TSHZ2: variants seen among roughly 807,000 people sequenced by gnomAD.
TSHZ2 encodes teashirt homolog 2.
In TSHZ2, 21 loss-of-function variants were observed where a neutral mutation model predicts 74.4. That is an observed-to-expected ratio of 0.28 (90% CI 0.20 to 0.41). The LOEUF is 0.41. Among genes scored for constraint, TSHZ2 ranks in the 10% least tolerant of loss-of-function variants. The pLI is 1.00. For missense variants in TSHZ2, 1,244 were observed against 1,293.5 expected (o/e 0.96, Z 0.59); for synonymous variants, 540 against 515.3 (o/e 1.05, Z -0.65).
intron 1 of TSHZ2, among the ~76,000 whole-genome samples, chr20:52,994,092 T>C (rs2122929352): frequency 6.6e-6 from 1 of 152,276 alleles, no homozygotes. Context: ...AAGGAGTATG[T>C]GTATTTGAGA....
chr20:53,430,167 C>T (rs1983788479), intron 2 of TSHZ2, among the ~76,000 whole-genome samples: 1 of 152,100 alleles, frequency 6.6e-6, no homozygotes, highest in Non-Finnish European at 1.5e-5. Flanking sequence ...TACAGTGGCC[C>T]TGTGTTGGCT....
chr20:53,239,772 T>C (rs1990023020), intron 1 of TSHZ2, among the ~76,000 whole-genome samples: 1 of 152,152 alleles, frequency 6.6e-6, no homozygotes, highest in Non-Finnish European at 1.5e-5. Context: ...TTTGCTATCA[T>C]AATTGTTAGG....
At chr20:52,985,816 T>C (rs1981732799) in intron 1 of TSHZ2, among the ~76,000 whole-genome samples, 1 of 152,160 alleles carries the variant, frequency 6.6e-6, no homozygotes, top group Non-Finnish European at 1.5e-5. Context: ...ACTCAAACCA[T>C]CGTCTCCAAT....
chr20:53,397,041 A>G (rs1600606194), intron 2 of TSHZ2, among the ~76,000 whole-genome samples: 1 of 152,320 alleles, frequency 6.6e-6, no homozygotes, highest in Non-Finnish European at 1.5e-5. Context: ...AACCTAGGCA[A>G]TACCATTTAG....
intron 1 of TSHZ2, among the ~76,000 whole-genome samples, chr20:53,170,181 C>G (rs956651539): frequency 6.6e-6 from 1 of 152,118 alleles, no homozygotes; most frequent in African/African-American, 2.4e-5. Context: ...CTTTGTCTTT[C>G]GATTACACTG....
intron 2 of TSHZ2, among the ~76,000 whole-genome samples, chr20:53,458,976 C>T (rs1296214097): frequency 6.6e-6 from 1 of 152,122 alleles, no homozygotes; most frequent in Non-Finnish European, 1.5e-5. Flanking sequence ...GAGAGCTTTA[C>T]TTCCAAGTAT....
At chr20:53,324,852 C>T (rs537328505) in intron 2 of TSHZ2, among the ~76,000 whole-genome samples, 18 of 152,302 alleles carry the variant, frequency 1.2e-4, no homozygotes, top group South Asian at 6.2e-4. Flanking sequence ...AATTGTGTGC[C>T]CAGGCTTCAA....
In TSHZ2 at chr20:53,256,631, T is replaced by C; in HGVS notation, c.*8+60T>C. 6.6e-7 allele frequency: 1 copy of C among 1,509,964 alleles called. No homozygotes were observed. The highest frequency in any genetic ancestry group is 8.9e-7 in the Non-Finnish European group (1 of 1,127,534). The allele number at this position is 1,509,964 out of a possible 1,614,324, so 93.5% of individuals were successfully genotyped here. A position where few individuals can be genotyped will look rare whatever the true frequency, so the allele number is the denominator to read the frequency against. Reference sequence around the variant, plus strand: ...GGTGAGGAGCTTTCTTACAGGGAGATGGGTCTGCTTAGAGGCAGCTAGCAT... The same window carrying C: ...GGTGAGGAGCTTTCTTACAGGGAGACGGGTCTGCTTAGAGGCAGCTAGCAT... On this transcript the variant is annotated intron_variant, in intron 2 of 2. Transcript: ENST00000371497. The surrounding 1 kb of genome is among the most constrained non-coding windows in gnomAD (Gnocchi z 4.3).
chr20:52,986,516 G>A (rs918649934), intron 1 of TSHZ2, among the ~76,000 whole-genome samples: 1 of 151,910 alleles, frequency 6.6e-6, no homozygotes, highest in South Asian at 2.1e-4. Context: ...ATCACCTGAG[G>A]TCAGGGGTTT....
At chr20:53,247,634 CT>C (rs1282182720) in intron 1 of TSHZ2, among the ~76,000 whole-genome samples, 9 of 152,300 alleles carry the variant, frequency 5.9e-5, no homozygotes, top group African/African-American at 1.9e-4. Flanking sequence ...TTTTTTGTAC[CT>C]ACTGGGTACA....
At chr20:53,178,918 T>A (rs1988407329) in intron 1 of TSHZ2, 1 of 152,236 alleles carries the variant, frequency 6.6e-6, no homozygotes, top group Admixed American at 6.5e-5. Context: ...GAAGTAGTAA[T>A]GTAAGATCTT....
chr20:53,310,533 C>T (rs965604563), intron 2 of TSHZ2, among the ~76,000 whole-genome samples: 2 of 152,236 alleles, frequency 1.3e-5, no homozygotes, highest in Admixed American at 1.3e-4. Flanking sequence ...AGATTGCAAT[C>T]CAGGCTTTGG....
At chr20:53,222,382 A>G (rs989316933) in intron 1 of TSHZ2, among the ~76,000 whole-genome samples, 1 of 152,148 alleles carries the variant, frequency 6.6e-6, no homozygotes, top group African/African-American at 2.4e-5. Flanking sequence ...CAGCAGTGAG[A>G]GCAAAATTCA....
At chr20:53,185,000 G>T (rs145842943) in intron 1 of TSHZ2, among the ~76,000 whole-genome samples, 5 of 152,310 alleles carry the variant, frequency 3.3e-5, no homozygotes, top group Non-Finnish European at 7.4e-5. Context: ...TAAATATTCA[G>T]ACCATAATCA....
chr20:53,172,832 A>G (rs1988233076), intron 1 of TSHZ2, among the ~76,000 whole-genome samples: 1 of 152,216 alleles, frequency 6.6e-6, no homozygotes, highest in African/African-American at 2.4e-5. Flanking sequence ...GAGCATGGCT[A>G]AGAAACACTA....
At chr20:53,109,148 C>A (rs1394606401) in intron 1 of TSHZ2, among the ~76,000 whole-genome samples, 1 of 152,114 alleles carries the variant, frequency 6.6e-6, no homozygotes, top group Non-Finnish European at 1.5e-5. Context: ...AACTGAAATA[C>A]AAAAATACAC....
intron 2 of TSHZ2, among the ~76,000 whole-genome samples, chr20:53,331,880 T>C (rs1450097100): frequency 6.6e-6 from 1 of 151,790 alleles, no homozygotes; most frequent in Non-Finnish European, 1.5e-5. Context: ...ATGGATGATG[T>C]TTGGAATCTG....
At chr20:53,206,132 T>G (rs575563268) in intron 1 of TSHZ2, among the ~76,000 whole-genome samples, 1 of 152,128 alleles carries the variant, frequency 6.6e-6, no homozygotes, top group Non-Finnish European at 1.5e-5. Flanking sequence ...GGCAGGAGAA[T>G]CGTTTGAACC....
At chr20:53,159,437 T>C (rs1289457119) in intron 1 of TSHZ2, among the ~76,000 whole-genome samples, 1 of 152,192 alleles carries the variant, frequency 6.6e-6, no homozygotes, top group Non-Finnish European at 1.5e-5. Flanking sequence ...ACAGAGACCA[T>C]GTGACCCTCA....
Sources: gnomAD v4.1 joint callset for allele counts (sites outside exome capture counted in the v4.1 genomes callset) on GRCh38, gnomAD v4.1.1 for gene constraint, Gnocchi (gnomAD v3.1) non-coding constraint, MANE v1.5 for transcripts, NCBI Gene and HGNC (gene_info 2026-07-23, HGNC 2026-07-21) for gene names.